ABCG1: variants seen among roughly 807,000 people sequenced by gnomAD.
The protein encoded by ABCG1 is ATP binding cassette subfamily G member 1.
ABCG1 carries 29 observed loss-of-function variants against 69.2 expected under a neutral mutation model. The ratio of observed to expected loss-of-function variants is 0.42; its 90% CI spans 0.31 to 0.57. The LOEUF (loss-of-function observed/expected upper bound fraction) is 0.57. Among genes scored for constraint, ABCG1 ranks in the 20% least tolerant of loss-of-function variants. The probability of loss-of-function intolerance (pLI) is 0.15; values close to 1 mark genes in which losing one functional copy is unlikely to be tolerated. For missense variants in ABCG1, 718 were observed against 898.1 expected, an observed-to-expected ratio of 0.80 and a Z score of 2.56; for synonymous variants, 370 against 374.8, an observed-to-expected ratio of 0.99 and a Z score of 0.15.
At chr21:42,219,058 C>A (rs72542415), upstream of ABCG1, 8,974 of 287,560 alleles carry the variant, frequency 0.031, 209 homozygotes, top group Middle Eastern at 0.053. The surrounding 1 kb of genome is among the most constrained non-coding windows in gnomAD (Gnocchi z 5.3). Flanking sequence ...TGCCGGCCCG[C>A]CCGCCCCCTT....
At chr21:42,278,569 G>C (rs2068750657) in intron 5 of ABCG1, among the ~76,000 whole-genome samples, 1 of 152,206 alleles carries the variant, frequency 6.6e-6, no homozygotes, top group Admixed American at 6.5e-5. Context: ...AGGACACAGG[G>C]AGGAGGCGGC....
intron 6 of ABCG1, among the ~76,000 whole-genome samples, chr21:42,282,871 G>A (rs967740455): frequency 5.3e-5 from 8 of 152,072 alleles, no homozygotes; most frequent in African/African-American, 1.7e-4. Flanking sequence ...ATACCCACGG[G>A]CGCTCTGACC....
rs373039051 is a variant in ABCG1 at position 42,256,075 on chromosome 21, G to A, written c.287-14995G>A. The A allele has an allele frequency of 3.5e-6, 4 of 1,156,266 alleles. No individual in the cohort carries two copies. The Admixed American group carries it at 1.2e-4, about 34-fold the overall frequency. 71.6% of individuals were successfully genotyped at this position (1,156,266 alleles called of 1,614,324 possible). On this transcript the variant is annotated intron_variant, in intron 2 of 14. Coordinates refer to ENST00000398449, the MANE Select transcript of ABCG1 (RefSeq NM_016818.3). ...CAGGTGCCTTGACTTGGATCCAGGT[G>A]TGCACCCTTTCTTTCCAAGGGTCTC...
intron 2 of ABCG1, among the ~76,000 whole-genome samples, chr21:42,226,283 A>C (rs1011884734): frequency 2.6e-5 from 4 of 152,132 alleles, no homozygotes; most frequent in African/African-American, 4.8e-5. Flanking sequence ...AACCGCCCAG[A>C]GCAAAATGGG....
At chr21:42,244,405 T>C (rs552946474) in intron 2 of ABCG1, among the ~76,000 whole-genome samples, 3 of 152,228 alleles carry the variant, frequency 2.0e-5, no homozygotes, top group Non-Finnish European at 2.9e-5. Context: ...TCCACCGTCC[T>C]CTGTGCCAGC....
rs34994549 is a variant in ABCG1 at position 42,288,091 on chromosome 21, GC to G, written c.1122+59del. 1 of 1,604,330 alleles carries G rather than the reference GC, an allele frequency of 6.2e-7. No individual in the cohort carries two copies. The highest frequency in any genetic ancestry group is 1.3e-5 in the African/African-American group (1 of 74,738). On this transcript the variant is annotated intron_variant, in intron 9 of 14. Coordinates refer to ENST00000398449, the MANE Select transcript of ABCG1 (RefSeq NM_016818.3). This position sits in a 1 kb window ranked among gnomAD's most constrained non-coding sequence, Gnocchi z 4.8. The stretch of plus-strand genomic sequence containing the variant: ...TGAGAAAGGTAATGCAAATCCCGAA[GC>G]CCCCTGGGGGAGGCTGCACGTGGCA...
chr21:42,286,618 C>T (rs574720699), intron 8 of ABCG1, among the ~76,000 whole-genome samples: 14 of 152,242 alleles, frequency 9.2e-5, no homozygotes, highest in East Asian at 1.9e-4. Flanking sequence ...GTTCTGGTTT[C>T]GTGCTCGCTC....
intron 1 of ABCG1, among the ~76,000 whole-genome samples, chr21:42,200,953 G>T (rs1017062636): frequency 6.6e-6 from 1 of 152,022 alleles, no homozygotes; most frequent in Non-Finnish European, 1.5e-5. Context: ...TACGTCCCGA[G>T]GTACATGTGC....
intron 2 of ABCG1, among the ~76,000 whole-genome samples, chr21:42,252,876 C>T (rs929166648): frequency 6.6e-5 from 10 of 152,146 alleles, no homozygotes; most frequent in African/African-American, 1.9e-4. Context: ...ACATCATCCC[C>T]GCCCAGGTGG....
At chr21:42,265,526 A>G (rs2068487537) in intron 2 of ABCG1, among the ~76,000 whole-genome samples, 1 of 152,206 alleles carries the variant, frequency 6.6e-6, no homozygotes, top group South Asian at 2.1e-4. Context: ...GGAGGCAGCC[A>G]CGAGTCAAGG....
intron 2 of ABCG1, chr21:42,259,365 A>T: frequency 6.5e-7 from 1 of 1,550,382 alleles, no homozygotes; most frequent in Non-Finnish European, 8.7e-7. Context: ...TAAACTGGAG[A>T]GCTCAGTGTT....
intron 2 of ABCG1, among the ~76,000 whole-genome samples, chr21:42,250,059 T>C (rs1375776318): frequency 4.1e-5 from 6 of 147,636 alleles, no homozygotes; most frequent in Non-Finnish European, 8.9e-5. Context: ...GTGAGGAAGG[T>C]GCCCGTGTGT....
chr21:42,257,116 T>C (rs1420519688), intron 2 of ABCG1, among the ~76,000 whole-genome samples: 1 of 152,170 alleles, frequency 6.6e-6, no homozygotes, highest in South Asian at 2.1e-4. Context: ...CATTACCAGA[T>C]GAAGAAAACA....
At chr21:42,254,111 A>G (rs3787984) in intron 2 of ABCG1, among the ~76,000 whole-genome samples, 39,134 of 151,804 alleles carry the variant, frequency 0.26, 5,940 homozygotes, top group African/African-American at 0.43. Context: ...AATGGACAGA[A>G]GTATGGATGG....
At chr21:42,255,590 C>T (rs937813340) in intron 2 of ABCG1, among the ~76,000 whole-genome samples, 6 of 152,208 alleles carry the variant, frequency 3.9e-5, no homozygotes, top group Non-Finnish European at 7.3e-5. Context: ...GCAGAAGGAG[C>T]GCACGAGGAG....
At chr21:42,258,737 C>G (rs2068353377) in intron 2 of ABCG1, among the ~76,000 whole-genome samples, 2 of 152,214 alleles carry the variant, frequency 1.3e-5, no homozygotes, top group Admixed American at 1.3e-4. Context: ...GAGTAGGGCG[C>G]CTGCTGGCAG....
At chr21:42,285,728 G>A in intron 7 of ABCG1, 152 bp from the exon 8 acceptor site, 2 of 655,666 alleles carry the variant, frequency 3.1e-6, no homozygotes, top group South Asian at 1.8e-5. Context: ...AGGGCCCTTG[G>A]GGGTGATGTA....
At chr21:42,253,461 C>T (rs1023905169) in intron 2 of ABCG1, among the ~76,000 whole-genome samples, 3 of 152,226 alleles carry the variant, frequency 2.0e-5, no homozygotes, top group African/African-American at 4.8e-5. Flanking sequence ...CTGTCAAGAG[C>T]TGCTTTGGGT....
chr21:42,259,544 G>A (rs2068369232), intron 2 of ABCG1: 1 of 1,526,360 alleles, frequency 6.6e-7, no homozygotes, highest in Middle Eastern at 2.3e-4. Flanking sequence ...GTCATCATGT[G>A]GGCCCTCAGG....
Sources: allele counts gnomAD v4.1 joint callset (sites outside exome capture counted in the v4.1 genomes callset), GRCh38; gene constraint gnomAD v4.1.1; non-coding constraint Gnocchi (gnomAD v3.1); transcripts MANE v1.5; gene names NCBI Gene and HGNC (gene_info 2026-07-23, HGNC 2026-07-21).